The following MIA2 variants were observed in gnomAD, a reference collection of about 807,000 sequenced individuals.
The protein encoded by MIA2 is melanoma inhibitory activity protein 2.
Under a neutral mutation model 167.8 loss-of-function variants are expected in MIA2, and 127 were observed. That is an observed-to-expected ratio of 0.76 (90% CI 0.66 to 0.88). The LOEUF (loss-of-function observed/expected upper bound fraction) is 0.88. Ranked by LOEUF, MIA2 falls within the 40% of genes least tolerant of loss-of-function variation. MIA2 has a pLI of 0.00. For missense variants in MIA2, 1,690 were observed against 1,624.7 expected (o/e 1.04, Z -0.69); for synonymous variants, 552 against 541.9 (o/e 1.02, Z -0.26).
At chr14:39,288,453 ATATATATATATATATATATATATT>A (rs1183590274) in intron 9 of MIA2, among the ~76,000 whole-genome samples, 1 of 13,804 alleles carries the variant, frequency 7.2e-5, no homozygotes, top group East Asian at 1.5e-3. Context: ...ATATATATAT[ATATATATATATATATATATATATT>A]TTTTTTTTTT....
At chr14:39,353,926 G>A (rs2074457620), downstream of MIA2, among the ~76,000 whole-genome samples, 1 of 152,176 alleles carries the variant, frequency 6.6e-6, no homozygotes, top group African/African-American at 2.4e-5. Flanking sequence ...AGTATTCCAT[G>A]GTGTATATGT....
chr14:39,285,328 C>T (rs551791171), intron 9 of MIA2, among the ~76,000 whole-genome samples: 38 of 151,732 alleles, frequency 2.5e-4, no homozygotes, highest in African/African-American at 4.1e-4. Flanking sequence ...AAGGGGCAGC[C>T]GGGCAGAGGC....
intron 28 of MIA2, among the ~76,000 whole-genome samples, chr14:39,349,238 C>A (rs549987123): frequency 1.0e-3 from 153 of 152,208 alleles, no homozygotes; most frequent in African/African-American, 3.5e-3. Context: ...GGACTTTTTG[C>A]AGGTCTTACG....
chr14:39,286,784 C>G (rs2059867932), intron 9 of MIA2, among the ~76,000 whole-genome samples: 1 of 150,174 alleles, frequency 6.7e-6, no homozygotes, highest in Non-Finnish European at 1.5e-5. Context: ...ACCTCTGCCT[C>G]CCGGGTTCAA....
At chr14:39,355,983 A>G (rs62000710), downstream of MIA2, among the ~76,000 whole-genome samples, 19,830 of 152,114 alleles carry the variant, frequency 0.13, 1,733 homozygotes, top group African/African-American at 0.23. Context: ...TTTTGCATCA[A>G]TGTTCATCAG....
At chr14:39,294,711 G>A (rs1595193339) in intron 12 of MIA2, among the ~76,000 whole-genome samples, 1 of 152,128 alleles carries the variant, frequency 6.6e-6, no homozygotes, top group African/African-American at 2.4e-5. Context: ...GTTACAAGAG[G>A]TTTGTCCAAG....
chr14:39,308,318 A>G (rs2063686728), intron 17 of MIA2, 131 bp from the exon 18 acceptor site: 1 of 580,872 alleles, frequency 1.7e-6, no homozygotes, highest in African/African-American at 2.0e-5. Context: ...AATCCCTTAT[A>G]GATTTTCTGT....
intron 25 of MIA2, among the ~76,000 whole-genome samples, chr14:39,337,215 A>G (rs918829525): frequency 5.9e-5 from 9 of 152,244 alleles, no homozygotes; most frequent in African/African-American, 2.2e-4. Context: ...CATTAATCGA[A>G]AGAAAATGAG....
At chr14:39,335,260 T>C (rs183716570) in intron 25 of MIA2, among the ~76,000 whole-genome samples, 24 of 152,308 alleles carry the variant, frequency 1.6e-4, no homozygotes, top group Admixed American at 3.3e-4. Flanking sequence ...AAAATACTTA[T>C]GTTAAAAAAA....
intron 6 of MIA2, among the ~76,000 whole-genome samples, chr14:39,270,960 A>G (rs1206718466): frequency 6.6e-6 from 1 of 152,070 alleles, no homozygotes. Context: ...AGCGTTCTAA[A>G]TTTTGATTAA....
At chr14:39,241,433 A>G (rs1016560991) in intron 3 of MIA2, among the ~76,000 whole-genome samples, 2 of 152,174 alleles carry the variant, frequency 1.3e-5, no homozygotes, top group African/African-American at 4.8e-5. Context: ...TCTAAAATAT[A>G]TCTGGAGTAT....
In MIA2 at chr14:39,317,984, G is replaced by A. The variant is rs377173111; in HGVS notation, c.3257G>A (p.Arg1086Lys). 1.3e-5 allele frequency: 21 copies of A among 1,582,392 alleles called. No homozygotes were observed. Among genetic ancestry groups the A allele is most frequent in the Non-Finnish European group, 1.8e-5 (21 of 1,168,406 alleles). The change falls in exon 22 of 29, where the codon AGG becomes AAG. Residue 1086 changes from arginine (R) to lysine (K), a missense_variant. Coordinates refer to ENST00000640607, the MANE Select transcript of MIA2 (RefSeq NM_001329214.4). ...RNAERNLNDL[R>K]KENAHNRQKL... is the part of the protein sequence containing the mutation. ...GCTGAAAGAAACCTCAATGATTTAA[G>A]GAAAGAAAATGCTCACAACAGACAA...
chr14:39,368,634 C>CTA (rs552761704), intron 23 of MIA2, among the ~76,000 whole-genome samples: 7 of 147,784 alleles, frequency 4.7e-5, no homozygotes, highest in African/African-American at 1.8e-4. Context: ...AATTCCTTTT[C>CTA]TACTTTTCTT....
chr14:39,370,664 C>T lies in MIA2; in HGVS notation c.2249-16221C>T, dbSNP rs2074921271. 15 of 284,666 alleles carry T rather than the reference C, an allele frequency of 5.3e-5. No individual in the cohort carries two copies. In the South Asian group the frequency reaches 5.5e-4, roughly 10 times the overall value. 17.6% of individuals were successfully genotyped at this position (284,666 alleles called of 1,614,324 possible). On this transcript the variant is annotated intron_variant, in intron 23 of 23. Transcript: ENST00000341502. ...CTGCCCGAGTCTGTCGCACGTGCTG[C>T]ATGCCCAGCACAGCAGAGCCACCAC...
At chr14:39,380,277 A>C (rs887322098) in intron 23 of MIA2, among the ~76,000 whole-genome samples, 9 of 152,232 alleles carry the variant, frequency 5.9e-5, no homozygotes, top group African/African-American at 1.9e-4. Context: ...GAGAGACACA[A>C]TAAAAGTTAA....
At chr14:39,296,627 T>A (rs1467382820) in intron 13 of MIA2, among the ~76,000 whole-genome samples, 10 of 147,674 alleles carry the variant, frequency 6.8e-5, no homozygotes, top group Admixed American at 3.3e-4. Flanking sequence ...TTTTAATTTT[T>A]ATTTTTATTA....
At chr14:39,368,377 C>G (rs2074865983) in intron 23 of MIA2, among the ~76,000 whole-genome samples, 1 of 152,158 alleles carries the variant, frequency 6.6e-6, no homozygotes, top group African/African-American at 2.4e-5. Context: ...AGAATAGTCC[C>G]TCATTAGGTA....
chr14:39,263,865 C>CTCGAGTGA (rs906095764), intron 6 of MIA2, among the ~76,000 whole-genome samples: 3 of 152,082 alleles, frequency 2.0e-5, no homozygotes, highest in Non-Finnish European at 4.4e-5. Flanking sequence ...AACTCCTGAC[C>CTCGAGTGA]TCGAGTGATT....
At chr14:39,292,933 G>A (rs759628420) in intron 10 of MIA2, among the ~76,000 whole-genome samples, 6 of 152,012 alleles carry the variant, frequency 3.9e-5, no homozygotes, top group Non-Finnish European at 7.4e-5. Context: ...TTGGCAAACT[G>A]TGCCTAATGG....
Sources: allele counts gnomAD v4.1 joint callset (sites outside exome capture counted in the v4.1 genomes callset), GRCh38; gene constraint gnomAD v4.1.1; transcripts MANE v1.5; gene names NCBI Gene and HGNC (gene_info 2026-07-23, HGNC 2026-07-21).